The following RUSC2 variants were observed in gnomAD, a reference collection of about 807,000 sequenced individuals.
The protein encoded by RUSC2 is AP-4 complex accessory subunit RUSC2.
A neutral mutation model predicts 122.2 loss-of-function variants in RUSC2; 34 were observed. The ratio of observed to expected loss-of-function variants is 0.28; its 90% CI spans 0.21 to 0.37. The LOEUF (loss-of-function observed/expected upper bound fraction) is 0.37, where lower values mean the gene tolerates loss of function less well. RUSC2 is among the 10% of genes least tolerant of loss of function. RUSC2 has a pLI of 1.00. For missense variants in RUSC2, 1,747 were observed against 1,952.4 expected, an observed-to-expected ratio of 0.89 and a Z score of 1.98; for synonymous variants, 784 against 790.0, an observed-to-expected ratio of 0.99 and a Z score of 0.13.
intron 1 of RUSC2, among the ~76,000 whole-genome samples, chr9:35,498,703 A>G (rs890939996): frequency 1.3e-5 from 2 of 150,818 alleles, no homozygotes; most frequent in African/African-American, 4.9e-5. Context: ...CTAAAATTCA[A>G]AAAAAAAATT....
intron 1 of RUSC2, among the ~76,000 whole-genome samples, chr9:35,493,367 C>T (rs958291689): frequency 5.3e-5 from 8 of 152,078 alleles, no homozygotes; most frequent in South Asian, 2.1e-4. Context: ...ACCACATTTT[C>T]TTTATCTGGT....
intron 1 of RUSC2, among the ~76,000 whole-genome samples, chr9:35,506,803 A>T (rs1286370388): frequency 6.6e-6 from 1 of 152,194 alleles, no homozygotes; most frequent in Non-Finnish European, 1.5e-5. Flanking sequence ...TAGGAATTTT[A>T]AAAATCAAAA....
At chr9:35,497,389 G>GA (rs1307898613) in intron 1 of RUSC2, among the ~76,000 whole-genome samples, 4 of 152,174 alleles carry the variant, frequency 2.6e-5, no homozygotes, top group Admixed American at 1.3e-4. Flanking sequence ...GTAAACTGGA[G>GA]AACTGTTTTG....
In RUSC2 at chr9:35,547,004, A is replaced by G. The variant is rs1410538644; in HGVS notation, c.483A>G (p.Thr161=). ...SGPRVGRPWG[T]TRSRAGVVEG... Reference sequence around the variant, plus strand: ...CCAGAGTGGGCAGGCCATGGGGGACAACACGCAGTCGGGCTGGAGTGGTGG... The same window carrying G: ...CCAGAGTGGGCAGGCCATGGGGGACGACACGCAGTCGGGCTGGAGTGGTGG... The change falls in exon 2 of 12, where the codon ACA becomes ACG. Residue 161 remains threonine, a synonymous_variant. Coordinates refer to ENST00000361226, the MANE Select transcript of RUSC2 (RefSeq NM_014806.5). This position sits in a 1 kb window ranked among gnomAD's most constrained non-coding sequence, Gnocchi z 4.6. 1.2e-6 allele frequency: 2 copies of G among 1,604,224 alleles called. No homozygotes were observed. Among genetic ancestry groups the G allele is most frequent in the Non-Finnish European group, 1.7e-6 (2 of 1,174,434 alleles).
In RUSC2 at chr9:35,560,565, G is replaced by A. The variant is rs758465126; in HGVS notation, c.3925G>A (p.Gly1309Arg). The A allele has an allele frequency of 2.5e-6, 4 of 1,614,140 alleles. No individual in the cohort carries two copies. The Admixed American group carries it at 5.0e-5, about 20-fold the overall frequency. ...SSEKKKGAGGGGPPQAPPPRE... is the reference protein window; with the variant it reads ...SSEKKKGAGGRGPPQAPPPRE... The stretch of plus-strand genomic sequence containing the variant: ...CGAGAAAAAGAAAGGGGCAGGAGGT[G>A]GGGGACCTCCCCAGGCTCCACCACC... Residue 1309 changes from glycine to arginine, a missense_variant, in exon 10 of 12, where the codon GGG (glycine) becomes AGG (arginine). Physicochemically the swap from Gly to Arg is moderately radical, Grantham distance 125. Coordinates refer to ENST00000361226, the MANE Select transcript of RUSC2 (RefSeq NM_014806.5).
intron 1 of RUSC2, among the ~76,000 whole-genome samples, chr9:35,536,774 A>G (rs970723200): frequency 1.5e-5 from 2 of 136,198 alleles, no homozygotes; most frequent in Admixed American, 9.1e-5. Context: ...AGATCGCGCC[A>G]CTGCACTCCA....
rs747748599 is a variant in RUSC2 at position 35,546,772 on chromosome 9, C to A, written c.251C>A (p.Thr84Asn). 4 of 1,603,946 alleles carry A rather than the reference C, an allele frequency of 2.5e-6. No homozygotes were observed. Among genetic ancestry groups the A allele is most frequent in the Admixed American group, 1.7e-5 (1 of 58,964 alleles). Residue 84 changes from threonine to asparagine, a missense_variant, in exon 2 of 12, where the codon ACC becomes AAC. Coordinates refer to ENST00000361226, the MANE Select transcript of RUSC2 (RefSeq NM_014806.5). This position sits in a 1 kb window ranked among gnomAD's most constrained non-coding sequence, Gnocchi z 4.3. ...PGGTARSIDS[T>N]KSRSRDGRGP... ...GGAACTGCACGGTCTATAGACAGCACCAAGAGTAGGAGTCGGGATGGAAGA... is the reference window on the plus strand; with the variant it reads ...GGAACTGCACGGTCTATAGACAGCAACAAGAGTAGGAGTCGGGATGGAAGA...
At position 35,547,144 on chromosome 9, in the gene RUSC2, C is replaced by A. The variant is rs79315294; in HGVS notation, c.623C>A (p.Pro208His). ...ATGGAGCTGGATGAGTGTGGGGGAC[C>A]TGGTGGGAGTGGCAGTGGGGGTGGA... ...ETMELDECGG[P>H]GGSGSGGGAS... The change falls in exon 2 of 12, where the codon CCT becomes CAT. Residue 208 changes from proline to histidine, a missense_variant. Coordinates refer to ENST00000361226, the MANE Select transcript of RUSC2 (RefSeq NM_014806.5). The surrounding 1 kb of genome is among the most constrained non-coding windows in gnomAD (Gnocchi z 4.6). 2.2e-3 allele frequency: 3,597 copies of A among 1,614,126 alleles called. 69 individuals carry two copies. The African/African-American group carries it at 0.042, about 19-fold the overall frequency.
At chr9:35,529,589 C>T (rs1821382647) in intron 1 of RUSC2, among the ~76,000 whole-genome samples, 1 of 150,586 alleles carries the variant, frequency 6.6e-6, no homozygotes, top group South Asian at 2.1e-4. Context: ...GGCATTTTTA[C>T]TGTGCAAGCC....
intron 1 of RUSC2, among the ~76,000 whole-genome samples, chr9:35,526,184 A>G (rs1389203243): frequency 6.6e-6 from 1 of 152,088 alleles, no homozygotes; most frequent in East Asian, 1.9e-4. Context: ...CTCAGTAACC[A>G]ATGTTTATAT....
chr9:35,530,435 T>C lies in RUSC2; in HGVS notation c.-92-15995T>C, dbSNP rs557829448. On this transcript the variant is annotated intron_variant, in intron 1 of 11. Transcript: ENST00000361226. ...TGTACGTATAATTGGTATTGAAGTA[T>C]AGGAGAAGGATTTCCATGATAAAGA... Among the ~76,000 whole-genome samples the C allele has an allele frequency of 5.9e-5, 9 of 152,250 alleles. No homozygotes were observed. In the South Asian group the frequency reaches 1.4e-3, roughly 25 times the overall value.
intron 2 of RUSC2, among the ~76,000 whole-genome samples, chr9:35,550,513 C>A (rs1445250802): frequency 6.6e-6 from 1 of 151,216 alleles, no homozygotes; most frequent in East Asian, 2.0e-4. Flanking sequence ...GTAATCCCAG[C>A]GACATGGAAG....
rs756278175 is a variant in RUSC2 at position 35,546,741 on chromosome 9, C to T, written c.220C>T (p.Pro74Ser). ...SLLFSSLHST[P>S]GGTARSIDST... is the part of the protein sequence containing the mutation. Reference sequence around the variant, plus strand: ...GCTATTCAGCAGCCTGCACTCTACTCCAGGAGGAACTGCACGGTCTATAGA... The same window carrying T: ...GCTATTCAGCAGCCTGCACTCTACTTCAGGAGGAACTGCACGGTCTATAGA... Residue 74 changes from proline (P) to serine (S), a missense_variant, in exon 2 of 12, where the codon CCA becomes TCA. Transcript: ENST00000361226. The surrounding 1 kb of genome is among the most constrained non-coding windows in gnomAD (Gnocchi z 4.3). 6.3e-7 allele frequency: 1 copy of T among 1,577,246 alleles called. No homozygotes were observed.
intron 1 of RUSC2, among the ~76,000 whole-genome samples, chr9:35,498,991 G>T (rs1327538366): frequency 2.0e-5 from 3 of 151,802 alleles, no homozygotes; most frequent in African/African-American, 4.8e-5. Context: ...TATTATTAAT[G>T]TTAACAGTAG....
chr9:35,537,008 T>G (rs1485165496), intron 1 of RUSC2, among the ~76,000 whole-genome samples: 1 of 152,024 alleles, frequency 6.6e-6, no homozygotes, highest in Non-Finnish European at 1.5e-5. Context: ...GGAGACTAGT[T>G]AGGTGGCCGA....
In RUSC2 at chr9:35,560,641, C is replaced by A; in HGVS notation, c.4001C>A (p.Ala1334Asp). The A allele has an allele frequency of 6.2e-7, 1 of 1,601,722 alleles. No individual in the cohort carries two copies. Residue 1334 changes from alanine (A) to aspartate (D), a missense_variant, in exon 10 of 12, where the codon GCC (alanine) becomes GAC (aspartate). By Grantham distance (126) the Ala-to-Asp change is moderately radical. Transcript: ENST00000361226. ...GAEACPASEE[A>D]LGRERGWPFW... ...GAGGCCTGCCCTGCCTCTGAGGAGG[C>A]CCTGGGCCGGGAAAGGGGCTGGCCC...
At chr9:35,526,029 T>C (rs1587849133) in intron 1 of RUSC2, among the ~76,000 whole-genome samples, 1 of 152,214 alleles carries the variant, frequency 6.6e-6, no homozygotes, top group African/African-American at 2.4e-5. Context: ...TTAACAGTGC[T>C]TTATATTTCT....
At chr9:35,530,203 A>C (rs1821394493) in intron 1 of RUSC2, among the ~76,000 whole-genome samples, 1 of 152,150 alleles carries the variant, frequency 6.6e-6, no homozygotes. Flanking sequence ...CGTCCACCTC[A>C]GCCTCCCAAA....
At chr9:35,527,825 A>C (rs1422663198) in intron 1 of RUSC2, among the ~76,000 whole-genome samples, 1 of 152,242 alleles carries the variant, frequency 6.6e-6, no homozygotes, top group Non-Finnish European at 1.5e-5. Flanking sequence ...AAGCTGTGGA[A>C]CACCACCTAC....
Sources: allele counts gnomAD v4.1 joint callset (sites outside exome capture counted in the v4.1 genomes callset), GRCh38; gene constraint gnomAD v4.1.1; non-coding constraint Gnocchi (gnomAD v3.1); transcripts MANE v1.5; gene names NCBI Gene and HGNC (gene_info 2026-07-23, HGNC 2026-07-21).